CNTLN: variants seen among roughly 807,000 people sequenced by gnomAD.
CNTLN encodes the protein centlein, also known as centlein, centrosomal protein.
CNTLN carries 212 observed loss-of-function variants against 180.0 expected under a neutral mutation model. The observed-to-expected ratio is 1.18, with a 90% CI of 1.05 to 1.32. The LOEUF (loss-of-function observed/expected upper bound fraction) is 1.32. CNTLN is among the 40% of genes most tolerant of loss of function. The pLI is 0.00. For missense variants in CNTLN, 2,095 were observed against 1,610.9 expected (o/e 1.30, Z -5.14); for synonymous variants, 722 against 563.1 (o/e 1.28, Z -3.99).
chr9:17,374,353 A>G (rs1283134281), intron 13 of CNTLN, among the ~76,000 whole-genome samples: 2 of 152,216 alleles, frequency 1.3e-5, no homozygotes, highest in Non-Finnish European at 2.9e-5. Context: ...TTGCAAATAG[A>G]TATATGAAAA....
intron 13 of CNTLN, among the ~76,000 whole-genome samples, chr9:17,369,263 C>T (rs1284885857): frequency 6.6e-6 from 1 of 152,078 alleles, no homozygotes; most frequent in Non-Finnish European, 1.5e-5. Flanking sequence ...TTCCCCTTCA[C>T]CTTCCACCAT....
chr9:17,356,273 T>C (rs545845583), intron 12 of CNTLN, among the ~76,000 whole-genome samples: 1 of 152,296 alleles, frequency 6.6e-6, no homozygotes, highest in African/African-American at 2.4e-5. Flanking sequence ...TACTTTATGA[T>C]TGATAATCAA....
In CNTLN at chr9:17,288,009, C is replaced by T. The variant is rs932019117; in HGVS notation, c.984-10181C>T. Among the ~76,000 whole-genome samples the T allele has an allele frequency of 7.9e-3, 1,091 of 138,210 alleles. 50 individuals carry two copies. Among genetic ancestry groups the T allele is most frequent in the African/African-American group, 0.03 (990 of 32,950 alleles). 90.7% of individuals were successfully genotyped at this position (138,210 alleles called of 152,430 possible). On this transcript the variant is annotated intron_variant, in intron 6 of 25. Coordinates refer to ENST00000380647, the MANE Select transcript of CNTLN (RefSeq NM_017738.4). Reference sequence around the variant, plus strand: ...GGGTTTTTTGTGTCTCTGTTTCCTTCAGTTCTGCTCTGATGTTAGTTATTT... The same window carrying T: ...GGGTTTTTTGTGTCTCTGTTTCCTTTAGTTCTGCTCTGATGTTAGTTATTT...
chr9:17,288,158 T>G (rs1754963283), intron 6 of CNTLN, among the ~76,000 whole-genome samples: 1 of 126,570 alleles, frequency 7.9e-6, no homozygotes, highest in Non-Finnish European at 1.6e-5. Flanking sequence ...GCTATAAATT[T>G]CCCTCTACAC....
chr9:17,201,131 C>T (rs767493715), intron 2 of CNTLN, among the ~76,000 whole-genome samples: 3 of 152,072 alleles, frequency 2.0e-5, no homozygotes, highest in African/African-American at 4.8e-5. Context: ...TGATGGATTA[C>T]GTTTATTGAT....
chr9:17,309,094 A>G lies in CNTLN; in HGVS notation c.1183A>G (p.Lys395Glu). ...NELHICFETT[K>E]SNEAMLRQSV... ...GTTACATATTTGTTTTGAAACCACA[A>G]AATCAAATGAAGCTATGCTCCGGCA... The change falls in exon 8 of 26, where the codon AAA becomes GAA. Residue 395 changes from lysine (K) to glutamate (E), a missense_variant. Transcript: ENST00000380647. 1.9e-6 allele frequency: 3 copies of G among 1,595,786 alleles called. No homozygotes were observed. Among genetic ancestry groups the G allele is most frequent in the Non-Finnish European group, 2.6e-6 (3 of 1,174,576 alleles).
chr9:17,449,551 T>C (rs1250925147), intron 18 of CNTLN, among the ~76,000 whole-genome samples: 1 of 152,158 alleles, frequency 6.6e-6, no homozygotes, highest in Non-Finnish European at 1.5e-5. Context: ...AACAGAAGAT[T>C]TGAAATAACA....
At chr9:17,423,857 G>A (rs942824749) in intron 18 of CNTLN, among the ~76,000 whole-genome samples, 5 of 152,046 alleles carry the variant, frequency 3.3e-5, no homozygotes, top group African/African-American at 1.2e-4. Flanking sequence ...TTCTCTCTCG[G>A]CTCAGTGTAG....
intron 5 of CNTLN, among the ~76,000 whole-genome samples, chr9:17,257,425 C>T (rs1338203018): frequency 1.3e-5 from 2 of 152,044 alleles, no homozygotes; most frequent in Non-Finnish European, 2.9e-5. Flanking sequence ...TGAATAATGC[C>T]GCAGTAAACA....
chr9:17,449,821 C>A, intron 18 of CNTLN, among the ~76,000 whole-genome samples: 1 of 152,128 alleles, frequency 6.6e-6, no homozygotes, highest in East Asian at 1.9e-4. Context: ...TTAAAATTTG[C>A]TATAAAGGCA....
intron 2 of CNTLN, among the ~76,000 whole-genome samples, chr9:17,203,072 A>AT (rs915838027): frequency 2.0e-5 from 3 of 151,938 alleles, no homozygotes; most frequent in African/African-American, 7.3e-5. Context: ...TCTGGAAAGG[A>AT]TTTTATTTCT....
chr9:17,507,509 A>G (rs561342779), downstream of CNTLN, among the ~76,000 whole-genome samples: 1 of 152,302 alleles, frequency 6.6e-6, no homozygotes, highest in South Asian at 2.1e-4. Flanking sequence ...ATATATAACT[A>G]CTAATTGGGT....
At chr9:17,297,455 G>A (rs1308795569) in intron 6 of CNTLN, among the ~76,000 whole-genome samples, 1 of 152,122 alleles carries the variant, frequency 6.6e-6, no homozygotes, top group Non-Finnish European at 1.5e-5. Flanking sequence ...TTCCCAGTTT[G>A]TATAATCTGT....
chr9:17,204,074 A>T (rs1244432071), intron 2 of CNTLN, among the ~76,000 whole-genome samples: 2 of 152,136 alleles, frequency 1.3e-5, no homozygotes, highest in Non-Finnish European at 2.9e-5. Flanking sequence ...CCTTTTATCC[A>T]CGTTCTTAGC....
At chr9:17,419,774 C>A (rs978500474) in intron 18 of CNTLN, among the ~76,000 whole-genome samples, 2 of 152,112 alleles carry the variant, frequency 1.3e-5, no homozygotes, top group Admixed American at 1.3e-4. Flanking sequence ...TTTATTTAAT[C>A]ATTATCTACA....
chr9:17,510,090 G>A, the CNTLN span, among the ~76,000 whole-genome samples: 1 of 152,086 alleles, frequency 6.6e-6, no homozygotes, highest in Admixed American at 6.5e-5. Context: ...ATGCCATGTG[G>A]TTAAAGTCAA....
At chr9:17,313,025 A>G (rs372715547) in intron 8 of CNTLN, among the ~76,000 whole-genome samples, 1 of 151,992 alleles carries the variant, frequency 6.6e-6, no homozygotes, top group South Asian at 2.1e-4. Flanking sequence ...CATATTTATG[A>G]TTGTTATGTC....
chr9:17,275,578 A>G (rs959807358), intron 6 of CNTLN, among the ~76,000 whole-genome samples: 2 of 152,116 alleles, frequency 1.3e-5, no homozygotes, highest in Non-Finnish European at 2.9e-5. Context: ...AGACCTTTAC[A>G]TTTTAGAGTA....
At chr9:17,236,322 T>C in intron 4 of CNTLN, 87 bp from the exon 5 acceptor site, 4 of 1,135,178 alleles carry the variant, frequency 3.5e-6, no homozygotes, top group Non-Finnish European at 4.9e-6. Context: ...ACTGCACAGT[T>C]TGTATTTGCT....
Sources: gnomAD v4.1 joint callset for allele counts (sites outside exome capture counted in the v4.1 genomes callset) on GRCh38, gnomAD v4.1.1 for gene constraint, MANE v1.5 for transcripts, NCBI Gene and HGNC (gene_info 2026-07-23, HGNC 2026-07-21) for gene names.